The following RABL3 variants were observed in gnomAD, a reference collection of about 807,000 sequenced individuals.
RABL3 encodes the protein RAB, member of RAS oncogene family like 3.
In RABL3, 31 loss-of-function variants were observed where a neutral mutation model predicts 31.8. The ratio of observed to expected loss-of-function variants is 0.97; its 90% confidence interval spans 0.73 to 1.31. RABL3 has a LOEUF of 1.31. Ranked by LOEUF, RABL3 falls within the 40% of genes most tolerant of loss-of-function variation. The pLI, the probability that RABL3 is intolerant of heterozygous loss-of-function variation, is 0.00. For synonymous variants in RABL3, 97 were observed against 99.9 expected (o/e 0.97, Z 0.18); for missense variants, 263 against 279.6 (o/e 0.94, Z 0.42).
chr3:120,705,849 T>C (rs981190374), intron 4 of RABL3, 151 bp downstream of exon 4: 4 of 639,284 alleles, frequency 6.3e-6, no homozygotes, highest in Admixed American at 3.0e-5. Flanking sequence ...ATGAAAACTA[T>C]TGCTTTGTGA....
chr3:120,711,610 C>T (rs1708613491), intron 2 of RABL3, among the ~76,000 whole-genome samples: 1 of 152,134 alleles, frequency 6.6e-6, no homozygotes, highest in African/African-American at 2.4e-5. Context: ...CAAAGACTCT[C>T]TTTTTCTCAT....
chr3:120,692,924 G>A (rs565376418), intron 6 of RABL3, among the ~76,000 whole-genome samples: 1 of 152,038 alleles, frequency 6.6e-6, no homozygotes, highest in Non-Finnish European at 1.5e-5. Flanking sequence ...TGTATTGATG[G>A]GGCCATAGAT....
chr3:120,709,067 TC>T (rs1242478701), intron 3 of RABL3, among the ~76,000 whole-genome samples: 4 of 151,946 alleles, frequency 2.6e-5, no homozygotes, highest in Non-Finnish European at 4.4e-5. Flanking sequence ...AAATGCCAAA[TC>T]CTTTGGTATA....
intron 1 of RABL3, among the ~76,000 whole-genome samples, chr3:120,739,237 CGTG>C (rs1485349066): frequency 6.6e-6 from 1 of 152,018 alleles, no homozygotes; most frequent in Non-Finnish European, 1.5e-5. Context: ...ATTAGCTGGG[CGTG>C]GTGGTGGGTG....
intron 5 of RABL3, among the ~76,000 whole-genome samples, chr3:120,697,226 G>A (rs1396392778): frequency 6.6e-6 from 1 of 152,210 alleles, no homozygotes; most frequent in Admixed American, 6.5e-5. Context: ...GATTAATTAA[G>A]TGCAAAAGAG....
chr3:120,736,799 T>C (rs1708972647), intron 1 of RABL3, among the ~76,000 whole-genome samples: 1 of 152,206 alleles, frequency 6.6e-6, no homozygotes. Flanking sequence ...TGAAGCTTAG[T>C]TTGGCTGGAT....
At chr3:120,726,329 A>G (rs933776035) in intron 2 of RABL3, among the ~76,000 whole-genome samples, 13 of 152,160 alleles carry the variant, frequency 8.5e-5, no homozygotes, top group African/African-American at 2.9e-4. Context: ...CTTTTATTCA[A>G]AAGAAGAGTT....
intron 3 of RABL3, among the ~76,000 whole-genome samples, chr3:120,708,166 C>T (rs1708572433): frequency 6.6e-6 from 1 of 150,790 alleles, no homozygotes; most frequent in Non-Finnish European, 1.5e-5. Context: ...AAGAATGTTC[C>T]AGAGCTAAGG....
rs1267752791 is a variant in RABL3, at chr3:120,711,084, A to T, written c.139-1175T>A. Among the ~76,000 whole-genome samples the T allele has an allele frequency of 7.9e-5, 12 of 152,052 alleles. No homozygotes were observed. In the East Asian group the frequency reaches 2.3e-3, roughly 29 times the overall value. ...TTTTTCACCTGGCTTCTGGGATATC[A>T]CACTCTTCTAGTTTTCTTCCTATCT... On this transcript the variant is annotated intron_variant, in intron 2 of 7. Coordinates refer to ENST00000273375, the MANE Select transcript of RABL3 (RefSeq NM_173825.5).
intron 1 of RABL3, among the ~76,000 whole-genome samples, chr3:120,735,352 C>A (rs569103664): frequency 6.6e-6 from 1 of 152,312 alleles, no homozygotes; most frequent in East Asian, 1.9e-4. Context: ...TTAGTATTCT[C>A]TGATGGTAGT....
chr3:120,700,264 T>C (rs2107578249), intron 4 of RABL3, among the ~76,000 whole-genome samples: 1 of 152,222 alleles, frequency 6.6e-6, no homozygotes, highest in South Asian at 2.1e-4. Context: ...ATATGCATAA[T>C]ACTGGGTGGA....
At chr3:120,720,790 A>G (rs1028822545) in intron 2 of RABL3, among the ~76,000 whole-genome samples, 4 of 152,222 alleles carry the variant, frequency 2.6e-5, no homozygotes, top group African/African-American at 9.6e-5. Context: ...AACTTCCCCA[A>G]TCTAGCAAGG....
chr3:120,713,106 C>T (rs1223262840), intron 2 of RABL3, among the ~76,000 whole-genome samples: 1 of 152,040 alleles, frequency 6.6e-6, no homozygotes, highest in Non-Finnish European at 1.5e-5. Flanking sequence ...TGAGAATAGC[C>T]ATCATCCAAT....
intron 1 of RABL3, among the ~76,000 whole-genome samples, chr3:120,742,143 ACTCAATG>A (rs1452489490): frequency 2.0e-5 from 3 of 147,086 alleles, no homozygotes; most frequent in African/African-American, 5.1e-5. Flanking sequence ...CCCATACAAT[ACTCAATG>A]CCTGCTTTTT....
chr3:120,689,943 T>A lies in RABL3; in HGVS notation c.646-55A>T. On this transcript the variant is annotated intron_variant, in intron 7 of 7. Transcript: ENST00000273375. ...TCTCAAGCAATAAAAGTTCAAATAC[T>A]AATAGTAATTTTTCCCTTCTTTTCC... 4.4e-6 allele frequency: 6 copies of A among 1,377,472 alleles called. 1 individual carries two copies. Among genetic ancestry groups the A allele is most frequent in the Middle Eastern group, 1.8e-4 (1 of 5,538 alleles). The allele number at this position is 1,377,472 out of a possible 1,614,324, so 85.3% of individuals were successfully genotyped here.
At chr3:120,702,836 C>T (rs953981709) in intron 4 of RABL3, among the ~76,000 whole-genome samples, 14 of 152,156 alleles carry the variant, frequency 9.2e-5, no homozygotes, top group African/African-American at 1.7e-4. Context: ...AGATTACAGG[C>T]GTGAGCCACC....
intron 3 of RABL3, among the ~76,000 whole-genome samples, chr3:120,708,669 T>C (rs1708577857): frequency 6.6e-6 from 1 of 152,046 alleles, no homozygotes; most frequent in Non-Finnish European, 1.5e-5. Flanking sequence ...TTCTTATTTA[T>C]ATGCATTCTA....
intron 4 of RABL3, among the ~76,000 whole-genome samples, chr3:120,705,591 A>C (rs1183664551): frequency 6.6e-6 from 1 of 152,222 alleles, no homozygotes; most frequent in Non-Finnish European, 1.5e-5. Flanking sequence ...ATTCATATGC[A>C]AACGTTAACC....
intron 2 of RABL3, among the ~76,000 whole-genome samples, chr3:120,729,521 G>T (rs1470877074): frequency 6.6e-6 from 1 of 151,914 alleles, no homozygotes; most frequent in Non-Finnish European, 1.5e-5. Flanking sequence ...TAATCCAAAA[G>T]AAACCATAAA....
Sources: allele counts gnomAD v4.1 joint callset (sites outside exome capture counted in the v4.1 genomes callset), GRCh38; gene constraint gnomAD v4.1.1; transcripts MANE v1.5; gene names NCBI Gene and HGNC (gene_info 2026-07-23, HGNC 2026-07-21).